ANO4: variants seen among roughly 807,000 people sequenced by gnomAD.
ANO4 encodes the protein anoctamin-4.
A neutral mutation model predicts 141.9 loss-of-function variants in ANO4; 69 were observed. The ratio of observed to expected loss-of-function variants is 0.49; its 90% confidence interval spans 0.40 to 0.59. The LOEUF is 0.59. ANO4 is among the 20% of genes least tolerant of loss of function. The pLI, the probability that ANO4 is intolerant of heterozygous loss-of-function variation, is 0.00. For missense variants in ANO4, 894 were observed against 1,162.2 expected, an observed-to-expected ratio of 0.77 and a Z score of 3.36; for synonymous variants, 350 against 394.3, an observed-to-expected ratio of 0.89 and a Z score of 1.33.
At chr12:101,109,102 C>CT (rs1469405483) in intron 22 of ANO4, among the ~76,000 whole-genome samples, 1 of 152,120 alleles carries the variant, frequency 6.6e-6, no homozygotes, top group African/African-American at 2.4e-5. Context: ...GGAAAAGCTC[C>CT]TTCAATTCAG....
rs749655450 is a variant in ANO4 at position 100,937,847 on chromosome 12, G to A, written c.161-1468G>A. 3.3e-5 allele frequency among the ~76,000 whole-genome samples: 5 copies of A among 152,108 alleles called. No individual in the cohort carries two copies. The East Asian group carries it at 7.7e-4, about 23-fold the overall frequency. On this transcript the variant is annotated intron_variant, in intron 3 of 27. Transcript: ENST00000392977. ...CTGTATCCTCAAAGCCAGCAGCATA[G>A]CATCTTCCAATCTTTCTCTCTGATT...
At chr12:101,067,359 G>A (rs2136775280) in intron 14 of ANO4, among the ~76,000 whole-genome samples, 1 of 152,244 alleles carries the variant, frequency 6.6e-6, no homozygotes. Context: ...TTGATTTCTA[G>A]GAAACATTAG....
intron 1 of ANO4, among the ~76,000 whole-genome samples, chr12:100,901,284 A>G (rs1441789811): frequency 6.6e-6 from 1 of 152,252 alleles, no homozygotes; most frequent in Non-Finnish European, 1.5e-5. Flanking sequence ...ATGTGAGTTT[A>G]GCCAACAACT....
chr12:100,989,258 G>A (rs1408201860), intron 8 of ANO4, among the ~76,000 whole-genome samples: 1 of 152,140 alleles, frequency 6.6e-6, no homozygotes, highest in Non-Finnish European at 1.5e-5. Context: ...GAACTGGAAG[G>A]GACATAATGT....
At chr12:101,099,176 A>C (rs1353345057) in intron 21 of ANO4, among the ~76,000 whole-genome samples, 1 of 152,140 alleles carries the variant, frequency 6.6e-6, no homozygotes, top group Non-Finnish European at 1.5e-5. Context: ...CTGATGTCAG[A>C]GTATACAGCT....
intron 6 of ANO4, among the ~76,000 whole-genome samples, chr12:100,972,597 C>T (rs1031657103): frequency 6.6e-6 from 1 of 151,996 alleles, no homozygotes; most frequent in African/African-American, 2.4e-5. Context: ...TATATATCCA[C>T]TAGGGAGAGA....
intron 5 of ANO4, among the ~76,000 whole-genome samples, chr12:100,947,601 C>T (rs1476145181): frequency 6.6e-6 from 1 of 152,224 alleles, no homozygotes; most frequent in Admixed American, 6.5e-5. Context: ...AATCCAACTG[C>T]AGTAAACACA....
chr12:100,855,189 GC>G (rs753565985), intron 1 of ANO4, among the ~76,000 whole-genome samples: 14 of 152,082 alleles, frequency 9.2e-5, no homozygotes, highest in Non-Finnish European at 1.5e-4. Context: ...GTATTTGCAT[GC>G]ATCATTTAAG....
Position 100,942,606 on chromosome 12 carries a change from G to T in ANO4, c.456+71G>T, listed in dbSNP as rs1345944343. On this transcript the variant is annotated intron_variant, in intron 5 of 27. Transcript: ENST00000392977. ...CATATGAAGAGGCAATAAGAAATAA[G>T]CAAGCAGTCTTAATGTTAACCAAAC... 3 of 1,488,600 alleles carry T rather than the reference G, an allele frequency of 2.0e-6. No homozygotes were observed. In the Admixed American group the frequency reaches 6.2e-5, roughly 31 times the overall value. The allele number at this position is 1,488,600 out of a possible 1,614,324, so 92.2% of individuals were successfully genotyped here. A position where few individuals can be genotyped will look rare whatever the true frequency, so the allele number is the denominator to read the frequency against.
chr12:101,125,645 T>C (rs955634910), intron 26 of ANO4, among the ~76,000 whole-genome samples: 5 of 152,326 alleles, frequency 3.3e-5, no homozygotes, highest in African/African-American at 1.2e-4. Context: ...TCATGTGGTT[T>C]TTGTCTTTAG....
intron 1 of ANO4, among the ~76,000 whole-genome samples, chr12:100,843,662 C>T (rs890479120): frequency 2.0e-5 from 3 of 152,198 alleles, no homozygotes; most frequent in African/African-American, 7.2e-5. Flanking sequence ...ATGATTACTA[C>T]TCCTTCAAAT....
At chr12:100,852,162 A>G (rs980327748) in intron 1 of ANO4, among the ~76,000 whole-genome samples, 14 of 152,244 alleles carry the variant, frequency 9.2e-5, no homozygotes, top group Admixed American at 5.2e-4. Context: ...GTCCAGGCAC[A>G]GGGATCCTAT....
intron 5 of ANO4, among the ~76,000 whole-genome samples, chr12:100,952,474 G>A (rs188465229): frequency 6.6e-6 from 1 of 152,296 alleles, no homozygotes; most frequent in Admixed American, 6.5e-5. Context: ...TCAACCACTG[G>A]TCATCCTGTT....
At chr12:100,957,822 C>A (rs2043232976) in intron 5 of ANO4, among the ~76,000 whole-genome samples, 1 of 152,170 alleles carries the variant, frequency 6.6e-6, no homozygotes, top group South Asian at 2.1e-4. Flanking sequence ...ATAAATTACC[C>A]CATCTCAGGT....
At chr12:100,756,945 G>T (rs2032639604) in intron 3 of ANO4, among the ~76,000 whole-genome samples, 1 of 152,048 alleles carries the variant, frequency 6.6e-6, no homozygotes, top group Admixed American at 6.6e-5. Context: ...GAACTTCTCT[G>T]ACTTCCTTCT....
intron 24 of ANO4, among the ~76,000 whole-genome samples, chr12:101,112,846 C>G (rs1004281703): frequency 1.2e-4 from 19 of 152,192 alleles, no homozygotes; most frequent in African/African-American, 4.6e-4. Context: ...AAGCATGTGG[C>G]CATGACACAC....
intron 1 of ANO4, among the ~76,000 whole-genome samples, chr12:100,819,439 C>T (rs1417675614): frequency 1.3e-5 from 2 of 151,852 alleles, no homozygotes; most frequent in Non-Finnish European, 2.9e-5. Context: ...CTAATAGCAA[C>T]TTTGGGATTT....
intron 3 of ANO4, among the ~76,000 whole-genome samples, chr12:100,740,479 A>G (rs2031815424): frequency 6.6e-6 from 1 of 152,212 alleles, no homozygotes; most frequent in African/African-American, 2.4e-5. Flanking sequence ...AATGTTATCT[A>G]GAAATCAACT....
intron 1 of ANO4, among the ~76,000 whole-genome samples, chr12:100,886,300 A>G (rs1328331435): frequency 6.9e-6 from 1 of 144,018 alleles, no homozygotes; most frequent in African/African-American, 2.6e-5. Flanking sequence ...GACTACATCC[A>G]GTGTAGCATA....
Sources: gnomAD v4.1 joint callset for allele counts (sites outside exome capture counted in the v4.1 genomes callset) on GRCh38, gnomAD v4.1.1 for gene constraint, MANE v1.5 for transcripts, NCBI Gene and HGNC (gene_info 2026-07-23, HGNC 2026-07-21) for gene names.